The following DNAH7 variants were observed in gnomAD, a reference collection of about 807,000 sequenced individuals.
DNAH7 encodes dynein axonemal heavy chain 7.
DNAH7 carries 397 observed loss-of-function variants against 444.6 expected under a neutral mutation model. That is an observed-to-expected ratio of 0.89 (90% CI 0.82 to 0.97). The LOEUF is 0.97. Ranked by LOEUF, DNAH7 falls within the 50% of genes least tolerant of loss-of-function variation. DNAH7 has a pLI of 0.00. For missense variants in DNAH7, 4,902 were observed against 4,800.8 expected, an observed-to-expected ratio of 1.02 and a Z score of -0.62; for synonymous variants, 1,636 against 1,624.4, an observed-to-expected ratio of 1.01 and a Z score of -0.17.
At chr2:196,060,838 A>G (rs1395580223) in intron 1 of DNAH7, among the ~76,000 whole-genome samples, 1 of 152,148 alleles carries the variant, frequency 6.6e-6, no homozygotes, top group East Asian at 1.9e-4. Flanking sequence ...ACAGTTGATC[A>G]CTGTCTCCTT....
intron 40 of DNAH7, among the ~76,000 whole-genome samples, chr2:195,867,250 C>T (rs1166475336): frequency 6.6e-6 from 1 of 152,090 alleles, no homozygotes; most frequent in Non-Finnish European, 1.5e-5. Flanking sequence ...TACTGTTGGT[C>T]CCTGCTTTCC....
At chr2:195,988,328 T>C (rs1368882280) in intron 12 of DNAH7, 99 bp from the exon 13 acceptor site, 2 of 1,100,424 alleles carry the variant, frequency 1.8e-6, no homozygotes, top group African/African-American at 3.2e-5. Flanking sequence ...TTCTTGTCTT[T>C]TTATTCACAA....
At chr2:195,868,735 T>G (rs996025809) in intron 40 of DNAH7, among the ~76,000 whole-genome samples, 12 of 151,308 alleles carry the variant, frequency 7.9e-5, no homozygotes, top group African/African-American at 2.4e-4. Context: ...TTGGGGGTCT[T>G]GTTTTTGCAG....
chr2:195,778,509 T>C (rs1304691948), intron 58 of DNAH7, among the ~76,000 whole-genome samples: 1 of 148,916 alleles, frequency 6.7e-6, no homozygotes, highest in Non-Finnish European at 1.5e-5. Context: ...TAGTAGCACA[T>C]GCCTATAGTC....
chr2:195,852,795 T>A (rs905407145), intron 46 of DNAH7, among the ~76,000 whole-genome samples: 3 of 152,042 alleles, frequency 2.0e-5, no homozygotes, highest in African/African-American at 4.8e-5. Flanking sequence ...CAACAGGGTT[T>A]TAGGCAGGCT....
At chr2:195,791,407 T>C (rs956813432) in intron 57 of DNAH7, among the ~76,000 whole-genome samples, 4 of 143,140 alleles carry the variant, frequency 2.8e-5, no homozygotes, top group African/African-American at 5.2e-5. Context: ...CAAAACACAA[T>C]GGATGCTGGT....
chr2:195,861,040 T>C (rs553278292), intron 42 of DNAH7, among the ~76,000 whole-genome samples: 1 of 152,240 alleles, frequency 6.6e-6, no homozygotes, highest in Admixed American at 6.5e-5. Flanking sequence ...GAAATATAAA[T>C]AATGTATTAA....
intron 10 of DNAH7, among the ~76,000 whole-genome samples, chr2:196,008,525 A>T (rs1345657085): frequency 1.3e-5 from 2 of 152,226 alleles, no homozygotes; most frequent in East Asian, 3.8e-4. Context: ...CCATTACCTG[A>T]TGACTGGATG....
chr2:195,904,935 C>T (rs72915184), intron 27 of DNAH7: 10 of 152,172 alleles, frequency 6.6e-5, no homozygotes, highest in Non-Finnish European at 1.3e-4. Context: ...ATTGGTATTT[C>T]CATATATACC....
intron 36 of DNAH7, among the ~76,000 whole-genome samples, chr2:195,877,996 T>C (rs1403619654): frequency 6.6e-6 from 1 of 152,220 alleles, no homozygotes; most frequent in Non-Finnish European, 1.5e-5. Context: ...TATGATTGTA[T>C]AGTTATAATG....
chr2:196,020,572 T>C (rs189184754), intron 8 of DNAH7, among the ~76,000 whole-genome samples: 1 of 151,610 alleles, frequency 6.6e-6, no homozygotes, highest in Non-Finnish European at 1.5e-5. Context: ...ATAACTTTTT[T>C]TGTGTGTGTG....
chr2:195,925,643 C>T (rs1370176305), intron 22 of DNAH7, among the ~76,000 whole-genome samples: 4 of 152,194 alleles, frequency 2.6e-5, no homozygotes, highest in African/African-American at 9.6e-5. Context: ...CAGTCCCTTA[C>T]TCTTTGGAAT....
chr2:195,884,929 A>G (rs1221134151), intron 34 of DNAH7, 120 bp from the exon 35 acceptor site: 2 of 739,294 alleles, frequency 2.7e-6, no homozygotes, highest in East Asian at 2.7e-5. Context: ...AAGCTCAAAT[A>G]TATTAGTAGG....
At chr2:195,750,037 G>T (rs1693703380) in intron 63 of DNAH7, among the ~76,000 whole-genome samples, 1 of 151,810 alleles carries the variant, frequency 6.6e-6, no homozygotes, top group African/African-American at 2.4e-5. Context: ...ATTAAGCCTG[G>T]ACCAACACTG....
chr2:196,028,102 A>G, intron 5 of DNAH7, 55 bp from the exon 6 acceptor site: 1 of 1,389,292 alleles, frequency 7.2e-7, no homozygotes, highest in South Asian at 1.2e-5. Context: ...GTTAGAACAT[A>G]AAACAATGGA....
chr2:195,750,336 A>G (rs1382789735), intron 63 of DNAH7, among the ~76,000 whole-genome samples: 1 of 152,216 alleles, frequency 6.6e-6, no homozygotes, highest in Non-Finnish European at 1.5e-5. Flanking sequence ...GGTAGTTCAG[A>G]AGCTTTTGGC....
At position 195,923,651 on chromosome 2, in the gene DNAH7, T is replaced by C. The variant is rs1335280027; in HGVS notation, c.3769A>G (p.Asn1257Asp). Residue 1257 changes from asparagine to aspartate, a missense_variant, in exon 23 of 65, where the codon AAT (asparagine) becomes GAT (aspartate). Physicochemically the swap from Asn to Asp is conservative, Grantham distance 23. Transcript: ENST00000312428. The part of the protein sequence containing the change: ...RDVLSSLVKK[N>D]ISDDSDFEWL... Reference sequence around the variant, plus strand: ...TCAAAGTCAGAGTCATCGCTAATATTTTTTTTTACAAGTGATGAGAGGACA... The same window carrying C: ...TCAAAGTCAGAGTCATCGCTAATATCTTTTTTTACAAGTGATGAGAGGACA... 3 of 1,613,862 alleles carry C rather than the reference T, an allele frequency of 1.9e-6. No individual in the cohort carries two copies. Among genetic ancestry groups the C allele is most frequent in the Non-Finnish European group, 2.5e-6 (3 of 1,179,904 alleles).
chr2:195,873,875 G>A (rs1431893861), intron 38 of DNAH7, among the ~76,000 whole-genome samples, 181 bp from the exon 39 acceptor site: 2 of 152,142 alleles, frequency 1.3e-5, no homozygotes, highest in South Asian at 2.1e-4. Context: ...AATTCAAGAC[G>A]TTACTTTTCT....
intron 19 of DNAH7, among the ~76,000 whole-genome samples, chr2:195,945,881 G>A (rs1216747681): frequency 1.3e-5 from 2 of 152,162 alleles, no homozygotes; most frequent in African/African-American, 4.8e-5. Context: ...AATGCAGCAT[G>A]CAGAGAGGGA....
Sources: gnomAD v4.1 joint callset for allele counts (sites outside exome capture counted in the v4.1 genomes callset) on GRCh38, gnomAD v4.1.1 for gene constraint, MANE v1.5 for transcripts, NCBI Gene and HGNC (gene_info 2026-07-23, HGNC 2026-07-21) for gene names.